PSMD14: variants seen among roughly 807,000 people sequenced by gnomAD.
The protein encoded by PSMD14 is ubiquitin C-terminal hydrolase PSMD14.
In PSMD14, 7 loss-of-function variants were observed where a neutral mutation model predicts 41.2. The ratio of observed to expected loss-of-function variants is 0.17; its 90% CI spans 0.10 to 0.32. The LOEUF is 0.32. Ranked by LOEUF, PSMD14 falls within the 10% of genes least tolerant of loss-of-function variation. The pLI, the probability that PSMD14 is intolerant of heterozygous loss-of-function variation, is 1.00. For synonymous variants in PSMD14, 114 were observed against 122.3 expected (o/e 0.93, Z 0.45); for missense variants, 139 against 375.6 (o/e 0.37, Z 5.21).
chr2:161,336,196 G>GTA (rs924836198), intron 3 of PSMD14, among the ~76,000 whole-genome samples: 10 of 151,926 alleles, frequency 6.6e-5, no homozygotes, highest in African/African-American at 2.2e-4. Context: ...TGAATTATAT[G>GTA]TATATATATA....
intron 7 of PSMD14, among the ~76,000 whole-genome samples, chr2:161,380,605 A>G (rs1253605579): frequency 6.6e-6 from 1 of 152,034 alleles, no homozygotes; most frequent in Non-Finnish European, 1.5e-5. Context: ...AAGAAAATGT[A>G]CATACACATA....
intron 8 of PSMD14, 75 bp from the exon 9 acceptor site, chr2:161,391,029 A>G (rs1205263579): frequency 7.7e-7 from 1 of 1,297,762 alleles, no homozygotes; most frequent in East Asian, 2.7e-5. Context: ...ATGTAAGAAT[A>G]TATCAACAGT....
At chr2:161,366,668 T>A (rs1574131885) in intron 3 of PSMD14, among the ~76,000 whole-genome samples, 1 of 152,100 alleles carries the variant, frequency 6.6e-6, no homozygotes, top group African/African-American at 2.4e-5. Flanking sequence ...AACAAGAAGC[T>A]TTTTAGGTGC....
chr2:161,334,402 T>G (rs1461511503), intron 3 of PSMD14, among the ~76,000 whole-genome samples: 5 of 152,232 alleles, frequency 3.3e-5, no homozygotes, highest in Admixed American at 3.3e-4. Flanking sequence ...TTTTGTTCGC[T>G]AAGGTTTGTG....
chr2:161,359,798 C>T lies in PSMD14; in HGVS notation c.49-7680C>T, dbSNP rs115971232. On this transcript the variant is annotated intron_variant, in intron 3 of 11. Transcript: ENST00000409682. ...CTCCCAGAATAAAAGTAGACTTGGG[C>T]ATCTGAAAATGGGATGGCGTACTGT... Among the ~76,000 whole-genome samples, 1,054 of 152,248 alleles carry T rather than the reference C, an allele frequency of 6.9e-3. 12 individuals carry two copies. The highest frequency in any genetic ancestry group is 0.024 in the African/African-American group (996 of 41,514).
intron 3 of PSMD14, among the ~76,000 whole-genome samples, chr2:161,365,750 A>G (rs1683349359): frequency 6.6e-6 from 1 of 152,140 alleles, no homozygotes; most frequent in South Asian, 2.1e-4. Flanking sequence ...GAGTGATCAC[A>G]TAAGGCTAAC....
Position 161,408,913 on chromosome 2 carries a change from TTAA to T in PSMD14, c.834+18_834+20del, listed in dbSNP as rs1393834339. On this transcript the variant is annotated intron_variant, in intron 11 of 11. Transcript: ENST00000409682. ...GTTGGCAAGCAGGTGAGGTGTACTG[TTAA>T]TAAGTTATGCAGTTGCATAATAACA... 1.3e-6 allele frequency: 2 copies of T among 1,582,214 alleles called. No homozygotes were observed. The highest frequency in any genetic ancestry group is 2.2e-5 in the East Asian group (1 of 44,548).
chr2:161,400,757 G>A (rs1436480579), intron 10 of PSMD14, among the ~76,000 whole-genome samples: 2 of 151,876 alleles, frequency 1.3e-5, no homozygotes, highest in Admixed American at 1.3e-4. Flanking sequence ...TGTTGCCTAG[G>A]CTGGTCTTGA....
chr2:161,324,616 G>A (rs112912339), intron 3 of PSMD14, among the ~76,000 whole-genome samples: 1 of 151,324 alleles, frequency 6.6e-6, no homozygotes, highest in African/African-American at 2.4e-5. Context: ...GTAGTTTCAT[G>A]AAGATTTTCT....
chr2:161,347,574 A>T (rs1047597848), intron 3 of PSMD14, among the ~76,000 whole-genome samples: 1 of 152,244 alleles, frequency 6.6e-6, no homozygotes, highest in African/African-American at 2.4e-5. Flanking sequence ...GTTAATTGAA[A>T]CCAGATTAAC....
intron 9 of PSMD14, among the ~76,000 whole-genome samples, chr2:161,392,476 T>C (rs1683725502): frequency 6.6e-6 from 1 of 152,204 alleles, no homozygotes. Context: ...TTCAACCAGA[T>C]CACATCCATT....
At chr2:161,400,939 A>C (rs539436514) in intron 10 of PSMD14, among the ~76,000 whole-genome samples, 5 of 152,314 alleles carry the variant, frequency 3.3e-5, no homozygotes, top group African/African-American at 9.6e-5. Flanking sequence ...ACCATAAAAC[A>C]TACACTAATC....
chr2:161,390,087 A>G (rs985833776), intron 8 of PSMD14, among the ~76,000 whole-genome samples: 1 of 150,940 alleles, frequency 6.6e-6, no homozygotes, highest in Non-Finnish European at 1.5e-5. Flanking sequence ...TTACAGTACT[A>G]TGAAGATTAG....
chr2:161,411,597 G>A lies in PSMD14; in HGVS notation c.*197G>A, dbSNP rs1064576. 17,549 of 351,090 alleles carry A rather than the reference G, an allele frequency of 0.05. 542 individuals carry two copies. Among genetic ancestry groups the A allele is most frequent in the Middle Eastern group, 0.073 (95 of 1,294 alleles). The allele number at this position is 351,090 out of a possible 1,614,324, so 21.7% of individuals were successfully genotyped here. ...AGTCAGGGTCTTTGCAGATTCTAAAGTTATACATGAATACATCAAAGTGGA... is the reference window on the plus strand; with the variant it reads ...AGTCAGGGTCTTTGCAGATTCTAAAATTATACATGAATACATCAAAGTGGA... On this transcript the variant is annotated 3_prime_UTR_variant, in exon 12 of 12. Transcript: ENST00000409682.
At chr2:161,385,142 G>T (rs78602660) in intron 7 of PSMD14, 2 of 163,196 alleles carry the variant, frequency 1.2e-5, no homozygotes, top group Non-Finnish European at 2.6e-5. Context: ...TAAAATTTAG[G>T]TGACAAACAT....
intron 8 of PSMD14, among the ~76,000 whole-genome samples, chr2:161,390,204 ATTAG>A (rs1209217425): frequency 6.6e-6 from 1 of 151,988 alleles, no homozygotes; most frequent in African/African-American, 2.4e-5. Context: ...GTAAAAGTCT[ATTAG>A]TTAGAGAAGT....
intron 3 of PSMD14, among the ~76,000 whole-genome samples, chr2:161,327,859 A>G (rs1424626526): frequency 1.3e-5 from 2 of 151,454 alleles, no homozygotes; most frequent in Non-Finnish European, 2.9e-5. Context: ...ATGAAAACTA[A>G]AACAACTATT....
chr2:161,393,070 T>G (rs1683735906), intron 9 of PSMD14, among the ~76,000 whole-genome samples: 1 of 152,184 alleles, frequency 6.6e-6, no homozygotes, highest in Non-Finnish European at 1.5e-5. Context: ...ACCTGCCTTC[T>G]TGGTAACAAA....
Position 161,336,942 on chromosome 2 carries a change from CTTCA to C in PSMD14, c.48+18072_48+18075del, listed in dbSNP as rs1413922878. Among the ~76,000 whole-genome samples, 3 of 152,156 alleles carry C rather than the reference CTTCA, an allele frequency of 2.0e-5. No homozygotes were observed. The East Asian group carries it at 5.8e-4, about 29-fold the overall frequency. On this transcript the variant is annotated intron_variant, in intron 3 of 11. Transcript: ENST00000409682. Reference sequence around the variant, plus strand: ...TAAGCTCATTTTAAGTTTTCCTTGACTTCATTTTTTATAAACATTAAGGAAGTTC... The same window carrying C: ...TAAGCTCATTTTAAGTTTTCCTTGACTTTTTTATAAACATTAAGGAAGTTC...
Sources: allele counts gnomAD v4.1 joint callset (sites outside exome capture counted in the v4.1 genomes callset), GRCh38; gene constraint gnomAD v4.1.1; transcripts MANE v1.5; gene names NCBI Gene and HGNC (gene_info 2026-07-23, HGNC 2026-07-21).